The following LIN28B variants were observed in gnomAD, a reference collection of about 807,000 sequenced individuals.
LIN28B encodes protein lin-28 homolog B.
In LIN28B, 5 loss-of-function variants were observed where a neutral mutation model predicts 21.9. The observed-to-expected ratio is 0.23, with a 90% CI of 0.12 to 0.48. The LOEUF (loss-of-function observed/expected upper bound fraction) is 0.48. Ranked by LOEUF, LIN28B falls within the 20% of genes least tolerant of loss-of-function variation. The pLI is 0.98. For missense variants in LIN28B, 245 were observed against 310.5 expected, an observed-to-expected ratio of 0.79 and a Z score of 1.58; for synonymous variants, 109 against 111.3, an observed-to-expected ratio of 0.98 and a Z score of 0.13.
At chr6:105,008,416 G>A (rs982009185) in intron 2 of LIN28B, among the ~76,000 whole-genome samples, 10 of 151,952 alleles carry the variant, frequency 6.6e-5, no homozygotes, top group African/African-American at 1.7e-4. Context: ...AGGCCGAGGC[G>A]GGCGGATCAC....
intron 2 of LIN28B, among the ~76,000 whole-genome samples, chr6:105,010,922 T>C (rs1770909928): frequency 6.6e-6 from 1 of 152,186 alleles, no homozygotes; most frequent in Non-Finnish European, 1.5e-5. Context: ...TATAAGTTAA[T>C]TTTGTCTGTT....
chr6:105,065,427 G>A (rs921902091), intron 3 of LIN28B, among the ~76,000 whole-genome samples: 1 of 152,168 alleles, frequency 6.6e-6, no homozygotes, highest in Non-Finnish European at 1.5e-5. Flanking sequence ...TTTTACTTAC[G>A]TACATGGTGA....
At chr6:105,011,416 C>T (rs1448189916) in intron 2 of LIN28B, among the ~76,000 whole-genome samples, 4 of 152,138 alleles carry the variant, frequency 2.6e-5, no homozygotes, top group African/African-American at 9.7e-5. Context: ...TGTTTAACTC[C>T]TGGGCCCAAG....
At chr6:105,005,342 G>C (rs1243757401) in intron 2 of LIN28B, among the ~76,000 whole-genome samples, 1 of 151,828 alleles carries the variant, frequency 6.6e-6, no homozygotes, top group East Asian at 1.9e-4. Flanking sequence ...TTTATGACTT[G>C]ATCCTTTAAT....
At chr6:105,075,539 C>A (rs1209808850) in intron 3 of LIN28B, among the ~76,000 whole-genome samples, 1 of 152,162 alleles carries the variant, frequency 6.6e-6, no homozygotes, top group African/African-American at 2.4e-5. Context: ...AAATGCAAAT[C>A]TTTTCAATGT....
intron 3 of LIN28B, among the ~76,000 whole-genome samples, chr6:105,048,576 A>C (rs1771820395): frequency 6.6e-6 from 1 of 152,226 alleles, no homozygotes; most frequent in African/African-American, 2.4e-5. Context: ...TGATTGGAAT[A>C]GTTTCAGAAG....
At chr6:105,012,327 G>C (rs1385652398) in intron 2 of LIN28B, among the ~76,000 whole-genome samples, 4 of 151,772 alleles carry the variant, frequency 2.6e-5, no homozygotes, top group Admixed American at 2.6e-4. Context: ...AAATTAGCTG[G>C]GCATGGTGGC....
chr6:104,942,449 T>G (rs1202496329), intron 2 of LIN28B, among the ~76,000 whole-genome samples: 2 of 152,164 alleles, frequency 1.3e-5, no homozygotes, highest in Non-Finnish European at 2.9e-5. Flanking sequence ...CAGGGAAGAT[T>G]TGAAAGTTAA....
chr6:105,053,887 G>A (rs1478988620), intron 3 of LIN28B, among the ~76,000 whole-genome samples: 1 of 152,024 alleles, frequency 6.6e-6, no homozygotes, highest in African/African-American at 2.4e-5. Context: ...GGGTTTATGG[G>A]CACCTGCCAC....
intron 3 of LIN28B, among the ~76,000 whole-genome samples, chr6:105,055,149 T>A (rs762286089): frequency 6.6e-6 from 1 of 152,296 alleles, no homozygotes; most frequent in Non-Finnish European, 1.5e-5. Context: ...GTATTTATTG[T>A]GTTTCGGTTT....
At chr6:105,070,027 G>A (rs1202498908) in intron 3 of LIN28B, among the ~76,000 whole-genome samples, 2 of 151,914 alleles carry the variant, frequency 1.3e-5, no homozygotes, top group East Asian at 3.9e-4. Context: ...TGAGGCATGA[G>A]TGAGTAACCT....
At chr6:105,022,290 T>C (rs1412143472) in intron 2 of LIN28B, among the ~76,000 whole-genome samples, 1 of 152,120 alleles carries the variant, frequency 6.6e-6, no homozygotes, top group Non-Finnish European at 1.5e-5. Flanking sequence ...TCACTAAAAA[T>C]TACTGACAAG....
Position 105,015,610 on chromosome 6 carries a change from CT to C in LIN28B, c.199-10685del, listed in dbSNP as rs1771011695. On this transcript the variant is annotated intron_variant, in intron 2 of 3. Coordinates refer to ENST00000345080, the MANE Select transcript of LIN28B (RefSeq NM_001004317.4). ...CATTTCTTTGGTAACTGTTTTATGTCTTTCTGCTGCTGTCTGTGTTAATATG... is the reference window on the plus strand; with the variant it reads ...CATTTCTTTGGTAACTGTTTTATGTCTTCTGCTGCTGTCTGTGTTAATATG... 2.0e-5 allele frequency among the ~76,000 whole-genome samples: 3 copies of C among 152,010 alleles called. No homozygotes were observed. In the South Asian group the frequency reaches 6.2e-4, roughly 31 times the overall value.
intron 2 of LIN28B, among the ~76,000 whole-genome samples, chr6:104,963,044 T>C (rs1485974605): frequency 6.6e-6 from 1 of 152,136 alleles, no homozygotes; most frequent in Non-Finnish European, 1.5e-5. Context: ...TTTAAAGGCA[T>C]TTTATTTTTA....
At chr6:105,032,565 A>G (rs1428155096) in intron 3 of LIN28B, among the ~76,000 whole-genome samples, 1 of 151,988 alleles carries the variant, frequency 6.6e-6, no homozygotes, top group African/African-American at 2.4e-5. Flanking sequence ...TCATTGCAAA[A>G]AGTAAAAAAA....
chr6:105,022,713 G>T (rs1669107805), intron 2 of LIN28B, among the ~76,000 whole-genome samples: 1 of 152,114 alleles, frequency 6.6e-6, no homozygotes, highest in South Asian at 2.1e-4. Context: ...GGGAAAAGGG[G>T]TTCTGGTTCT....
chr6:104,947,207 C>T (rs867337212), intron 2 of LIN28B, among the ~76,000 whole-genome samples: 32 of 152,222 alleles, frequency 2.1e-4, no homozygotes, highest in Middle Eastern at 3.4e-3. Flanking sequence ...TCACTGCAAC[C>T]CTTGTCTCCC....
intron 2 of LIN28B, 133 bp downstream of exon 2, chr6:104,958,419 G>GAAACCC (rs1769627902): frequency 6.4e-6 from 4 of 625,816 alleles, no homozygotes; most frequent in Non-Finnish European, 1.0e-5. Flanking sequence ...AAATCACTAG[G>GAAACCC]TAGTCCAACG....
intron 2 of LIN28B, chr6:104,937,172 C>G (rs1248359342): frequency 6.6e-6 from 1 of 152,230 alleles, no homozygotes; most frequent in Non-Finnish European, 1.5e-5. Flanking sequence ...TAGGATCTCA[C>G]TCAGTCGCCC....
Sources: gnomAD v4.1 joint callset for allele counts (sites outside exome capture counted in the v4.1 genomes callset) on GRCh38, gnomAD v4.1.1 for gene constraint, MANE v1.5 for transcripts, NCBI Gene and HGNC (gene_info 2026-07-23, HGNC 2026-07-21) for gene names.